Variants in COX10 observed in about 807,000 individuals in gnomAD.
The protein encoded by COX10 is cytochrome c oxidase assembly factor heme A:farnesyltransferase COX10, also known as protoheme IX farnesyltransferase, mitochondrial.
Under a neutral mutation model 37.3 loss-of-function variants are expected in COX10, and 27 were observed. The ratio of observed to expected loss-of-function variants is 0.72; its 90% CI spans 0.53 to 1.00. COX10 has a LOEUF of 1.00. Ranked by LOEUF, COX10 falls within the 50% of genes least tolerant of loss-of-function variation. COX10 has a pLI of 0.00. For synonymous variants in COX10, 222 were observed against 229.1 expected (o/e 0.97, Z 0.28); for missense variants, 475 against 563.2 (o/e 0.84, Z 1.59).
chr17:14,126,124 T>C (rs1011820798), intron 4 of COX10, among the ~76,000 whole-genome samples: 13 of 152,192 alleles, frequency 8.5e-5, no homozygotes, highest in Admixed American at 3.3e-4. Flanking sequence ...CTTTTTCTAA[T>C]TCCTTATAAG....
intron 4 of COX10, among the ~76,000 whole-genome samples, chr17:14,124,253 T>G (rs1270057129): frequency 2.0e-5 from 3 of 152,190 alleles, no homozygotes; most frequent in African/African-American, 7.2e-5. Flanking sequence ...GGCACAAAAT[T>G]TGTGACTTGT....
intron 4 of COX10, among the ~76,000 whole-genome samples, chr17:14,148,364 T>A (rs1453845330): frequency 3.3e-5 from 5 of 152,216 alleles, no homozygotes; most frequent in African/African-American, 1.2e-4. Flanking sequence ...TACTGATTTG[T>A]AAGCTGAAAG....
intron 4 of COX10, among the ~76,000 whole-genome samples, chr17:14,128,942 G>A (rs781628675): frequency 6.6e-6 from 1 of 152,218 alleles, no homozygotes; most frequent in African/African-American, 2.4e-5. Context: ...TGCCTCCTGG[G>A]TTCAAGTGAT....
At chr17:14,190,117 C>T (rs1470445012) in intron 5 of COX10, among the ~76,000 whole-genome samples, 3 of 152,182 alleles carry the variant, frequency 2.0e-5, no homozygotes, top group South Asian at 2.1e-4. Context: ...TCTGTTAAGG[C>T]GTCTTGGGAG....
At position 14,106,345 on chromosome 17, in the gene COX10, TGG is replaced by T. The variant is rs1173256290; in HGVS notation, c.624+4104_624+4105del. Among the ~76,000 whole-genome samples, 59 of 152,268 alleles carry T rather than the reference TGG, an allele frequency of 3.9e-4. 2 individuals are homozygous for T. In the South Asian group the frequency reaches 0.012, roughly 32 times the overall value. ...ATAGCATGATTTTAAGAGTTGTATA[TGG>T]ATATACTTTGATTTGTTTAATCAGT... On this transcript the variant is annotated intron_variant, in intron 4 of 6. Coordinates refer to ENST00000261643, the MANE Select transcript of COX10 (RefSeq NM_001303.4).
At position 14,206,824 on chromosome 17, in the gene COX10, G is replaced by A. The variant is rs1294271925; in HGVS notation, c.943G>A (p.Gly315Arg). Residue 315 changes from glycine to arginine, a missense_variant, in exon 7 of 7, where the codon GGA becomes AGA. Physicochemically the swap from Gly to Arg is moderately radical, Grantham distance 125. Around this residue, in one of 5 missense-constraint regions of COX10, gnomAD observed 17 missense variants for 36.3 expected, o/e 0.47. Transcript: ENST00000261643. ...GSLDAGAFLL[G>R]GILYSWQFPH... is the part of the protein sequence containing the mutation. Reference sequence around the variant, plus strand: ...CCCCCGCACAGGCGCATTTCTCCTGGGAGGAATCCTCTACTCCTGGCAGTT... The same window carrying A: ...CCCCCGCACAGGCGCATTTCTCCTGAGAGGAATCCTCTACTCCTGGCAGTT... 1.2e-6 allele frequency: 2 copies of A among 1,613,990 alleles called. No homozygotes were observed. The highest frequency in any genetic ancestry group is 1.7e-6 in the Non-Finnish European group (2 of 1,180,020).
chr17:14,163,099 G>A (rs896159404), intron 5 of COX10, among the ~76,000 whole-genome samples: 4 of 152,142 alleles, frequency 2.6e-5, no homozygotes, highest in African/African-American at 9.7e-5. Flanking sequence ...GTGCGTGTTA[G>A]GATAAGATGA....
chr17:14,114,660 T>G (rs1478895838), intron 4 of COX10, among the ~76,000 whole-genome samples: 6 of 152,070 alleles, frequency 3.9e-5, no homozygotes, highest in African/African-American at 1.4e-4. Flanking sequence ...TACTTTAGAG[T>G]TAAATAATTT....
At chr17:14,110,818 A>G (rs1915992950) in intron 4 of COX10, among the ~76,000 whole-genome samples, 1 of 151,916 alleles carries the variant, frequency 6.6e-6, no homozygotes, top group South Asian at 2.1e-4. Flanking sequence ...GGGAGACTGT[A>G]TCGTTTCTTT....
At chr17:14,136,615 T>G (rs758060746) in intron 4 of COX10, among the ~76,000 whole-genome samples, 2 of 152,020 alleles carry the variant, frequency 1.3e-5, no homozygotes, top group Non-Finnish European at 2.9e-5. Context: ...AAACTTTTAG[T>G]GAATCTCTGA....
intron 3 of COX10, among the ~76,000 whole-genome samples, chr17:14,083,531 G>A (rs575554806): frequency 3.9e-5 from 6 of 152,232 alleles, no homozygotes; most frequent in South Asian, 4.1e-4. Context: ...TGTAATATAC[G>A]GAGGATAATT....
At chr17:14,103,180 AG>A (rs1915824905) in intron 4 of COX10, among the ~76,000 whole-genome samples, 1 of 152,144 alleles carries the variant, frequency 6.6e-6, no homozygotes, top group Non-Finnish European at 1.5e-5. Context: ...TTTACCAAAA[AG>A]ATCATCCCCT....
At chr17:14,099,895 C>CT (rs528139753) in intron 3 of COX10, among the ~76,000 whole-genome samples, 23 of 152,272 alleles carry the variant, frequency 1.5e-4, no homozygotes, top group African/African-American at 5.3e-4. Context: ...TTCATCACCT[C>CT]TTTCCCTAAT....
Position 14,199,008 on chromosome 17 carries a change from AC to A in COX10, c.928+6788del, listed in dbSNP as rs1241941459. On this transcript the variant is annotated intron_variant, in intron 6 of 6. Transcript: ENST00000261643. ...GTTTTAAAGACAAAATAAACAAGGA[AC>A]ATTTTCATGGGAATATTAGCAAACA... Among the ~76,000 whole-genome samples the A allele has an allele frequency of 4.6e-5, 7 of 152,312 alleles. No homozygotes were observed. In the East Asian group the frequency reaches 1.3e-3, roughly 29 times the overall value.
intron 4 of COX10, among the ~76,000 whole-genome samples, chr17:14,110,847 C>G (rs1048821356): frequency 3.9e-5 from 6 of 152,048 alleles, no homozygotes; most frequent in African/African-American, 1.4e-4. Context: ...CTCTCTTTGC[C>G]TTAGTGACAA....
chr17:14,085,689 A>C (rs1159293285), intron 3 of COX10, among the ~76,000 whole-genome samples: 1 of 152,172 alleles, frequency 6.6e-6, no homozygotes, highest in Non-Finnish European at 1.5e-5. Context: ...TAGTACTATA[A>C]TAAATAAGCT....
At chr17:14,110,924 G>C (rs779640691) in intron 4 of COX10, among the ~76,000 whole-genome samples, 13 of 152,052 alleles carry the variant, frequency 8.5e-5, no homozygotes, top group Non-Finnish European at 1.6e-4. Flanking sequence ...TTTAAAATTG[G>C]TATCATTGGA....
intron 5 of COX10, among the ~76,000 whole-genome samples, chr17:14,169,645 T>C (rs1234786685): frequency 6.6e-6 from 1 of 152,184 alleles, no homozygotes; most frequent in African/African-American, 2.4e-5. Context: ...TTCTGGCAAA[T>C]CGTTCTGGCT....
chr17:14,170,734 T>C (rs552910939), intron 5 of COX10, among the ~76,000 whole-genome samples: 1 of 152,280 alleles, frequency 6.6e-6, no homozygotes, highest in Admixed American at 6.5e-5. Context: ...GGAGGATTGC[T>C]TGAGCCCTGG....
Sources: allele counts gnomAD v4.1 joint callset (sites outside exome capture counted in the v4.1 genomes callset), GRCh38; gene constraint gnomAD v4.1.1; regional missense constraint gnomAD v4.1.1; transcripts MANE v1.5; gene names NCBI Gene and HGNC (gene_info 2026-07-23, HGNC 2026-07-21).